Variants in CACNA1A observed in about 807,000 individuals in gnomAD.
CACNA1A encodes the protein voltage-dependent P/Q-type calcium channel subunit alpha-1A.
Under a neutral mutation model 262.4 loss-of-function variants are expected in CACNA1A, and 57 were observed. The observed-to-expected ratio is 0.22, with a 90% CI of 0.18 to 0.27. The LOEUF is 0.27. Ranked by LOEUF, CACNA1A falls within the 10% of genes least tolerant of loss-of-function variation. The pLI, the probability that CACNA1A is intolerant of heterozygous loss-of-function variation, is 1.00. For missense variants in CACNA1A, 2,526 were observed against 3,562.8 expected (o/e 0.71, Z 7.41); for synonymous variants, 1,431 against 1,419.3 (o/e 1.01, Z -0.18).
chr19:13,283,745 G>T (rs992165474), intron 21 of CACNA1A: 9 of 187,918 alleles, frequency 4.8e-5, no homozygotes, highest in African/African-American at 2.1e-4. Context: ...ATGTCCCAGG[G>T]CCAAACAATA....
At chr19:13,223,368 T>A (rs2144588501) in intron 38 of CACNA1A, among the ~76,000 whole-genome samples, 1 of 152,108 alleles carries the variant, frequency 6.6e-6, no homozygotes, top group Admixed American at 6.5e-5. Context: ...AAATTTTGTA[T>A]TTTTAGTAGA....
At chr19:13,466,372 C>T (rs923320764) in intron 1 of CACNA1A, among the ~76,000 whole-genome samples, 8 of 150,862 alleles carry the variant, frequency 5.3e-5, no homozygotes, top group Non-Finnish European at 1.0e-4. Context: ...TGGGTCAGCA[C>T]CCAGGCTGGA....
chr19:13,473,242 G>A (rs1226093696), intron 1 of CACNA1A, among the ~76,000 whole-genome samples: 5 of 140,290 alleles, frequency 3.6e-5, no homozygotes, highest in African/African-American at 5.8e-5. Flanking sequence ...GTGACAGAGT[G>A]AGGCCCTGAC....
chr19:13,497,993 C>G (rs1599381401), intron 1 of CACNA1A, among the ~76,000 whole-genome samples: 1 of 151,788 alleles, frequency 6.6e-6, no homozygotes, highest in East Asian at 2.0e-4. Flanking sequence ...CTCCTCTTTT[C>G]CTCCTTACAG....
At chr19:13,215,589 C>G (rs7247714) in intron 38 of CACNA1A, among the ~76,000 whole-genome samples, 125,139 of 150,284 alleles carry the variant, frequency 0.83, 52,406 homozygotes, top group Middle Eastern at 0.91. Flanking sequence ...AAAGTGCTGG[C>G]GATTACATGC....
At chr19:13,221,212 T>TTTTTCTTTTCTTTTC (rs1555734398) in intron 38 of CACNA1A, among the ~76,000 whole-genome samples, 466 of 40,804 alleles carry the variant, frequency 0.011, 133 homozygotes, top group Non-Finnish European at 0.014. Flanking sequence ...TCCCATTTGT[T>TTTTTCTTTTCTTTTC]TTTTCTTTTC....
intron 30 of CACNA1A, chr19:13,245,546 G>A (rs763163751): frequency 3.8e-5 from 17 of 444,796 alleles, no homozygotes; most frequent in Non-Finnish European, 6.9e-5. Flanking sequence ...TCAGAGCTGT[G>A]GCCTGTCTCT....
intron 22 of CACNA1A, among the ~76,000 whole-genome samples, chr19:13,279,299 A>G (rs966859892): frequency 3.9e-5 from 6 of 152,138 alleles, no homozygotes; most frequent in African/African-American, 1.4e-4. Flanking sequence ...CCTGTGGCTC[A>G]GTCTAATCCA....
intron 3 of CACNA1A, 137 bp from the exon 4 acceptor site, chr19:13,371,916 A>G (rs2059329749): frequency 7.2e-6 from 5 of 694,166 alleles, no homozygotes; most frequent in Non-Finnish European, 1.3e-5. Context: ...CACTGGCCTC[A>G]GTTTTGTCAC....
At chr19:13,459,797 T>C (rs1266136360) in intron 1 of CACNA1A, among the ~76,000 whole-genome samples, 2 of 152,176 alleles carry the variant, frequency 1.3e-5, no homozygotes, top group Non-Finnish European at 2.9e-5. Flanking sequence ...TGACTTCCTT[T>C]GGACCGGCTC....
At chr19:13,287,439 G>C (rs1003543222) in intron 19 of CACNA1A, among the ~76,000 whole-genome samples, 4 of 152,168 alleles carry the variant, frequency 2.6e-5, no homozygotes, top group Non-Finnish European at 4.4e-5. Context: ...ATTGAGAGGA[G>C]CCTGTTCACT....
intron 6 of CACNA1A, among the ~76,000 whole-genome samples, chr19:13,343,022 T>C (rs147188122): frequency 0.12 from 18,384 of 152,112 alleles, 1,496 homozygotes; most frequent in East Asian, 0.37. Context: ...CCCAAAGTGC[T>C]GGGATTTCAG....
At chr19:13,469,458 C>CTTTTTTTTTTTTTTTTTTT (rs1568678224) in intron 1 of CACNA1A, among the ~76,000 whole-genome samples, 1 of 133,708 alleles carries the variant, frequency 7.5e-6, no homozygotes. Context: ...CTTGAACCAC[C>CTTTTTTTTTTTTTTTTTTT]TCTTTTTTTT....
intron 3 of CACNA1A, among the ~76,000 whole-genome samples, chr19:13,404,898 T>C (rs535008722): frequency 6.6e-6 from 1 of 152,274 alleles, no homozygotes; most frequent in South Asian, 2.1e-4. Flanking sequence ...TTATTATTAT[T>C]ACTCATATTA....
At chr19:13,387,264 T>A (rs902365916) in intron 3 of CACNA1A, among the ~76,000 whole-genome samples, 3 of 152,204 alleles carry the variant, frequency 2.0e-5, no homozygotes, top group East Asian at 1.9e-4. Flanking sequence ...CCTCCATTTT[T>A]ATTTTCTTAA....
Position 13,275,960 on chromosome 19 carries a change from T to TG in CACNA1A, c.3883-5dup. The TG allele has an allele frequency of 6.2e-7, 1 of 1,602,286 alleles. No homozygotes were observed. Among genetic ancestry groups the TG allele is most frequent in the Non-Finnish European group, 8.6e-7 (1 of 1,169,532 alleles). ...GGACGAGCCCCAGGTCAATCATCTG[T>TG]GGGGGAGAAGAGAGGGTGCTCAGAA... On this transcript the variant is annotated splice_polypyrimidine_tract_variant and splice_region_variant and intron_variant, in intron 23 of 46. Coordinates refer to ENST00000360228, the MANE Select transcript of CACNA1A (RefSeq NM_001127222.2).
At chr19:13,403,614 C>T (rs1599377443) in intron 3 of CACNA1A, among the ~76,000 whole-genome samples, 1 of 152,188 alleles carries the variant, frequency 6.6e-6, no homozygotes, top group Non-Finnish European at 1.5e-5. Flanking sequence ...TAGGGCCAGG[C>T]TCACAAGATT....
intron 5 of CACNA1A, chr19:13,363,233 T>C (rs945476276): frequency 2.6e-5 from 4 of 151,666 alleles, no homozygotes; most frequent in African/African-American, 9.7e-5. Context: ...AAAATAAAAC[T>C]TCACAGAAAC....
rs535664702 is a variant in CACNA1A, at chr19:13,250,370, T to A, written c.4866+2621A>T. 4.6e-5 allele frequency among the ~76,000 whole-genome samples: 7 copies of A among 151,218 alleles called. No individual in the cohort carries two copies. In the East Asian group the frequency reaches 7.8e-4, roughly 17 times the overall value. On this transcript the variant is annotated intron_variant, in intron 30 of 46. Coordinates refer to ENST00000360228, the MANE Select transcript of CACNA1A (RefSeq NM_001127222.2). The stretch of plus-strand genomic sequence containing the variant: ...CCATCACACTCAGCCCCCAATTTTT[T>A]AAAAAATAATTTTAATTTAATTTAA...
Sources: allele counts gnomAD v4.1 joint callset (sites outside exome capture counted in the v4.1 genomes callset), GRCh38; gene constraint gnomAD v4.1.1; transcripts MANE v1.5; gene names NCBI Gene and HGNC (gene_info 2026-07-23, HGNC 2026-07-21).